The following BRCC3 variants were observed in gnomAD, a reference collection of about 807,000 sequenced individuals.
BRCC3 encodes the protein BRCA1/BRCA2-containing complex subunit 3, also known as lys-63-specific deubiquitinase BRCC36.
A neutral mutation model predicts 28.0 loss-of-function variants in BRCC3; 15 were observed. That is an observed-to-expected ratio of 0.54 (90% CI 0.36 to 0.82). BRCC3 has a LOEUF of 0.82. BRCC3 is among the 40% of genes least tolerant of loss of function. The pLI is 0.01. For missense variants in BRCC3, 109 were observed against 225.9 expected (o/e 0.48, Z 3.32); for synonymous variants, 66 against 80.3 (o/e 0.82, Z 0.95).
chrX:155,082,870 C>T (rs2074094147), intron 5 of BRCC3, among the ~76,000 whole-genome samples: 1 of 112,327 alleles, frequency 8.9e-6, no homozygotes, highest in African/African-American at 3.2e-5. Context: ...GCCTTCATGT[C>T]ACTTTAGTCT....
chrX:155,090,494 A>C (rs1441546090), intron 6 of BRCC3, among the ~76,000 whole-genome samples: 2 of 111,941 alleles, frequency 1.8e-5, no homozygotes, highest in Non-Finnish European at 3.8e-5. Flanking sequence ...CATCATAAGT[A>C]GTTGTTGAAT....
Position 155,122,100 on chromosome X carries a change from C to G in BRCC3, c.*896C>G, listed in dbSNP as rs1047625501. 1 of 107,269 alleles carries G rather than the reference C, an allele frequency of 9.3e-6. No homozygotes were observed. Among genetic ancestry groups the G allele is most frequent in the South Asian group, 4.2e-4 (1 of 2,361 alleles). The allele number at this position is 107,269 out of a possible 1,213,427, so 8.8% of individuals were successfully genotyped here. A position where few individuals can be genotyped will look rare whatever the true frequency, so the allele number is the denominator to read the frequency against. Reference sequence around the variant, plus strand: ...TGTGATCACACCACCACACTCCAACCTGTGTAACAGAGTGAGGCCTCATCT... The same window carrying G: ...TGTGATCACACCACCACACTCCAACGTGTGTAACAGAGTGAGGCCTCATCT... On this transcript the variant is annotated 3_prime_UTR_variant, in exon 11 of 11. Coordinates refer to ENST00000330045, the MANE Select transcript of BRCC3 (RefSeq NM_001018055.3).
intron 7 of BRCC3, among the ~76,000 whole-genome samples, chrX:155,104,329 G>A (rs1448714366): frequency 8.9e-6 from 1 of 111,886 alleles, no homozygotes; most frequent in Non-Finnish European, 1.9e-5. Context: ...TCAAGATACT[G>A]TTAAAATTAT....
At chrX:155,100,389 T>C (rs782176901) in intron 7 of BRCC3, among the ~76,000 whole-genome samples, 1 of 112,597 alleles carries the variant, frequency 8.9e-6, no homozygotes, top group African/African-American at 3.2e-5. Flanking sequence ...ACCTTTAGTC[T>C]GGTCCTGGAT....
Position 155,072,272 on chromosome X carries a change from T to C in BRCC3, c.124-55T>C. Reference sequence around the variant, plus strand: ...AATTGTCATATAATCTGCATCCATATATGTCAAACAAACGTAATGTGATCA... The same window carrying C: ...AATTGTCATATAATCTGCATCCATACATGTCAAACAAACGTAATGTGATCA... On this transcript the variant is annotated intron_variant, in intron 1 of 10. Coordinates refer to ENST00000330045, the MANE Select transcript of BRCC3 (RefSeq NM_001018055.3). The C allele has an allele frequency of 2.8e-6, 3 of 1,065,808 alleles. No homozygotes were observed. In the South Asian group the frequency reaches 5.8e-5, roughly 20 times the overall value. 87.8% of individuals were successfully genotyped at this position (1,065,808 alleles called of 1,213,427 possible).
At chrX:155,075,881 G>C (rs1305295057) in intron 3 of BRCC3, among the ~76,000 whole-genome samples, 1 of 111,785 alleles carries the variant, frequency 8.9e-6, no homozygotes, top group Non-Finnish European at 1.9e-5. Flanking sequence ...TAAATCAGTT[G>C]GGTAAGTTGT....
chrX:155,071,538 A>G lies in BRCC3; in HGVS notation c.11A>G (p.Gln4Arg), dbSNP rs1262310324. MAV[Q>R]VVQAVQAVHL... Reference sequence around the variant, plus strand: ...AAGGGTCGGGCCAAGATGGCGGTGCAGGTGGTGCAGGCGGTGCAGGCGGTT... The same window carrying G: ...AAGGGTCGGGCCAAGATGGCGGTGCGGGTGGTGCAGGCGGTGCAGGCGGTT... Residue 4 changes from glutamine (Q) to arginine (R), a missense_variant, in exon 1 of 11, where the codon CAG becomes CGG. By Grantham distance (43) the Gln-to-Arg change is conservative. Around this residue, in one of 3 missense-constraint regions of BRCC3, gnomAD observed 58 missense variants for 92.8 expected, o/e 0.63. Coordinates refer to ENST00000330045, the MANE Select transcript of BRCC3 (RefSeq NM_001018055.3). 3 of 1,203,557 alleles carry G rather than the reference A, an allele frequency of 2.5e-6. No homozygotes were observed. Among genetic ancestry groups the G allele is most frequent in the Non-Finnish European group, 3.4e-6 (3 of 891,641 alleles).
intron 7 of BRCC3, among the ~76,000 whole-genome samples, chrX:155,100,449 C>T (rs1279666321): frequency 8.9e-6 from 1 of 112,449 alleles, no homozygotes; most frequent in Non-Finnish European, 1.9e-5. Flanking sequence ...GTTTAGTTTC[C>T]TTTGGCTTGA....
At chrX:155,109,919 G>A (rs2074309901) in intron 7 of BRCC3, among the ~76,000 whole-genome samples, 1 of 111,466 alleles carries the variant, frequency 9.0e-6, no homozygotes, top group African/African-American at 3.2e-5. Context: ...AAGTTCCCTT[G>A]TATTTCTAGT....
intron 5 of BRCC3, among the ~76,000 whole-genome samples, chrX:155,083,751 A>G (rs782366156): frequency 8.9e-5 from 10 of 112,689 alleles, no homozygotes; most frequent in Non-Finnish European, 1.7e-4. Context: ...TGCTAGAGTC[A>G]TCAATGGTAT....
At chrX:155,112,643 A>C (rs1359195661) in intron 7 of BRCC3, among the ~76,000 whole-genome samples, 6 of 112,489 alleles carry the variant, frequency 5.3e-5, no homozygotes, top group African/African-American at 1.9e-4. Context: ...CATTCAACAC[A>C]GGACTGGAAT....
At chrX:155,074,334 G>C (rs2124231215) in intron 3 of BRCC3, among the ~76,000 whole-genome samples, 1 of 112,098 alleles carries the variant, frequency 8.9e-6, no homozygotes, top group East Asian at 2.8e-4. Context: ...TTAAAAGAAT[G>C]GGCTACAATT....
In BRCC3 at chrX:155,083,860, C is replaced by T. The variant is rs782386117; in HGVS notation, c.403+5157C>T. ...TATTGAAATACTTCCCAGCTAATCA[C>T]GAGGAGTGTGTGGCTTTTGGGGGAA... On this transcript the variant is annotated intron_variant, in intron 5 of 10. Transcript: ENST00000330045. Among the ~76,000 whole-genome samples, 6 of 112,491 alleles carry T rather than the reference C, an allele frequency of 5.3e-5. No homozygotes were observed. In the South Asian group the frequency reaches 1.1e-3, roughly 20 times the overall value.
At chrX:155,095,394 G>A (rs375258901) in intron 7 of BRCC3, among the ~76,000 whole-genome samples, 3 of 110,890 alleles carry the variant, frequency 2.7e-5, no homozygotes, top group Non-Finnish European at 3.8e-5. Flanking sequence ...TCCACCTCCC[G>A]GGTTCAAGTG....
intron 7 of BRCC3, among the ~76,000 whole-genome samples, chrX:155,094,305 T>G (rs1375932888): frequency 1.8e-5 from 2 of 111,083 alleles, no homozygotes; most frequent in Non-Finnish European, 3.8e-5. Flanking sequence ...ATCATTATTA[T>G]TGTTATCATT....
intron 7 of BRCC3, among the ~76,000 whole-genome samples, chrX:155,107,131 G>A: frequency 9.2e-6 from 1 of 108,424 alleles, no homozygotes; most frequent in Non-Finnish European, 1.9e-5. Context: ...TTTCTTTTAT[G>A]TTTATTATTT....
At chrX:155,116,228 C>T (rs2074354357) in intron 8 of BRCC3, 40 bp downstream of exon 8, 3 of 1,125,080 alleles carry the variant, frequency 2.7e-6, no homozygotes, top group Non-Finnish European at 3.6e-6. Context: ...CTTCTCAGGA[C>T]CTAGTCTCTC....
chrX:155,071,866 C>T (rs1253437919), intron 1 of BRCC3, among the ~76,000 whole-genome samples: 1 of 112,034 alleles, frequency 8.9e-6, no homozygotes, highest in Non-Finnish European at 1.9e-5. Context: ...TCTGTACAGG[C>T]CCCGGGAGCC....
intron 7 of BRCC3, chrX:155,099,293 G>A (rs1557296617): frequency 8.3e-7 from 1 of 1,201,258 alleles, no homozygotes; most frequent in Non-Finnish European, 1.1e-6. Context: ...TCACCATCTT[G>A]GTGTGTGGTT....
Sources: allele counts gnomAD v4.1 joint callset (sites outside exome capture counted in the v4.1 genomes callset), GRCh38; gene constraint gnomAD v4.1.1; regional missense constraint gnomAD v4.1.1; transcripts MANE v1.5; gene names NCBI Gene and HGNC (gene_info 2026-07-23, HGNC 2026-07-21).